Variants in ST8SIA6 observed in about 807,000 individuals in gnomAD.
ST8SIA6 encodes ST8 alpha-N-acetyl-neuraminide alpha-2,8-sialyltransferase 6, also known as alpha-2,8-sialyltransferase 8F.
A neutral mutation model predicts 33.6 loss-of-function variants in ST8SIA6; 39 were observed. The observed-to-expected ratio is 1.16, with a 90% confidence interval of 0.90 to 1.52. ST8SIA6 has a LOEUF of 1.52. ST8SIA6 is among the 40% of genes most tolerant of loss of function. The pLI, the probability that ST8SIA6 is intolerant of heterozygous loss-of-function variation, is 0.00. For synonymous variants in ST8SIA6, 172 were observed against 167.2 expected (o/e 1.03, Z -0.22); for missense variants, 441 against 443.8 (o/e 0.99, Z 0.06).
At chr10:17,382,009 T>C (rs780738419) in intron 3 of ST8SIA6, among the ~76,000 whole-genome samples, 8 of 152,136 alleles carry the variant, frequency 5.3e-5, no homozygotes, top group Non-Finnish European at 1.2e-4. Context: ...CAAGATGGAG[T>C]CAAGTCAAAA....
chr10:17,429,163 C>G (rs1852025991), intron 2 of ST8SIA6, among the ~76,000 whole-genome samples: 2 of 151,834 alleles, frequency 1.3e-5, no homozygotes, highest in Admixed American at 1.3e-4. Context: ...ATATTTTGGA[C>G]TACATCAATT....
At chr10:17,322,065 T>C (rs1237830837) in intron 7 of ST8SIA6, among the ~76,000 whole-genome samples, 2 of 147,356 alleles carry the variant, frequency 1.4e-5, no homozygotes, top group Non-Finnish European at 3.0e-5. Flanking sequence ...ATTGCACTGC[T>C]GCACTCTAAC....
rs190035685 is a variant in ST8SIA6 at position 17,347,754 on chromosome 10, T to C, written c.377+11760A>G. Among the ~76,000 whole-genome samples the C allele has an allele frequency of 4.8e-3, 732 of 152,054 alleles. 3 individuals carry two copies. Among genetic ancestry groups the C allele is most frequent in the Admixed American group, 9.3e-3 (142 of 15,278 alleles). The stretch of plus-strand genomic sequence containing the variant: ...ATCGAGACCATCCTGGCTAACACAG[T>C]GAAACCCTGTCTCTACTAAAAATAC... On this transcript the variant is annotated intron_variant, in intron 4 of 7. Coordinates refer to ENST00000377602, the MANE Select transcript of ST8SIA6 (RefSeq NM_001004470.3).
intron 2 of ST8SIA6, among the ~76,000 whole-genome samples, chr10:17,442,198 C>T (rs572502296): frequency 6.6e-6 from 1 of 152,318 alleles, no homozygotes; most frequent in Admixed American, 6.5e-5. Context: ...ATATGTGTCT[C>T]ATTCTGCCAA....
chr10:17,435,608 C>T (rs963931826), intron 2 of ST8SIA6, among the ~76,000 whole-genome samples: 3 of 149,966 alleles, frequency 2.0e-5, no homozygotes, highest in Admixed American at 6.8e-5. Flanking sequence ...TTCAGCTTGA[C>T]ACAAAGCCCC....
chr10:17,447,019 T>C (rs1852731732), intron 2 of ST8SIA6, among the ~76,000 whole-genome samples: 1 of 139,062 alleles, frequency 7.2e-6, no homozygotes, highest in African/African-American at 2.7e-5. Flanking sequence ...TTACCGACTC[T>C]GTCTCAAAAA....
At position 17,420,562 on chromosome 10, in the gene ST8SIA6, C is replaced by T. The variant is rs1294418649; in HGVS notation, c.201-29942G>A. On this transcript the variant is annotated intron_variant, in intron 2 of 7. Coordinates refer to ENST00000377602, the MANE Select transcript of ST8SIA6 (RefSeq NM_001004470.3). Reference sequence around the variant, plus strand: ...GAGACTAGATACTCATGCATATCTCCTGGGGCTGATTTAGGCACCATGAGA... The same window carrying T: ...GAGACTAGATACTCATGCATATCTCTTGGGGCTGATTTAGGCACCATGAGA... 2.0e-5 allele frequency among the ~76,000 whole-genome samples: 3 copies of T among 152,268 alleles called. No individual in the cohort carries two copies. In the East Asian group the frequency reaches 5.8e-4, roughly 29 times the overall value.
At chr10:17,452,411 A>T (rs1419036859) in intron 2 of ST8SIA6, among the ~76,000 whole-genome samples, 1 of 152,216 alleles carries the variant, frequency 6.6e-6, no homozygotes, top group African/African-American at 2.4e-5. Flanking sequence ...TTTGCAAGAG[A>T]TAAAAAGAGG....
At chr10:17,405,787 CAGG>C (rs1348769303) in intron 2 of ST8SIA6, among the ~76,000 whole-genome samples, 1 of 149,288 alleles carries the variant, frequency 6.7e-6, no homozygotes, top group Non-Finnish European at 1.5e-5. Context: ...GAGACTGAGG[CAGG>C]AGAATTACTT....
chr10:17,320,817 G>T lies in ST8SIA6; in HGVS notation c.*61C>A. ...CTTTAGCCACCTCCTTTGGTGTTTG[G>T]AGACATTGTTAATCACCTACTGCAT... On this transcript the variant is annotated 3_prime_UTR_variant, in exon 8 of 8. Coordinates refer to ENST00000377602, the MANE Select transcript of ST8SIA6 (RefSeq NM_001004470.3). 1 of 1,547,946 alleles carries T rather than the reference G, an allele frequency of 6.5e-7. No individual in the cohort carries two copies. Among genetic ancestry groups the T allele is most frequent in the South Asian group, 1.2e-5 (1 of 84,164 alleles).
chr10:17,336,881 A>G (rs1042250621), intron 4 of ST8SIA6, among the ~76,000 whole-genome samples: 4 of 152,138 alleles, frequency 2.6e-5, no homozygotes, highest in Non-Finnish European at 5.9e-5. Flanking sequence ...CGTGTGAGCC[A>G]CCATGCCTGG....
At chr10:17,359,200 A>C (rs76154241) in intron 4 of ST8SIA6, among the ~76,000 whole-genome samples, 40 of 152,360 alleles carry the variant, frequency 2.6e-4, no homozygotes, top group African/African-American at 9.4e-4. Flanking sequence ...TTTATTTACT[A>C]AACAAATAAA....
At chr10:17,380,918 CGTGT>C (rs796272662) in intron 3 of ST8SIA6, among the ~76,000 whole-genome samples, 2,027 of 70,530 alleles carry the variant, frequency 0.029, 24 homozygotes, top group Non-Finnish European at 0.041. Context: ...TGTGTTTGTG[CGTGT>C]GTGTGTGTGT....
At chr10:17,364,172 A>G (rs1200041636) in intron 3 of ST8SIA6, among the ~76,000 whole-genome samples, 1 of 152,246 alleles carries the variant, frequency 6.6e-6, no homozygotes, top group African/African-American at 2.4e-5. Context: ...TAAAATTGCC[A>G]TCCATGGACA....
chr10:17,348,723 A>T (rs2131605700), intron 4 of ST8SIA6, among the ~76,000 whole-genome samples: 1 of 152,294 alleles, frequency 6.6e-6, no homozygotes, highest in East Asian at 1.9e-4. Context: ...CTTCAGTCCC[A>T]CACTCAGCTT....
At chr10:17,436,279 C>T (rs1852251512) in intron 2 of ST8SIA6, among the ~76,000 whole-genome samples, 1 of 152,044 alleles carries the variant, frequency 6.6e-6, no homozygotes, top group African/African-American at 2.4e-5. Flanking sequence ...TGGGAGGGTC[C>T]CTGGGGGGGA....
At position 17,327,146 on chromosome 10, in the gene ST8SIA6, A is replaced by G; in HGVS notation, c.523-20T>C. On this transcript the variant is annotated intron_variant, in intron 5 of 7. Coordinates refer to ENST00000377602, the MANE Select transcript of ST8SIA6 (RefSeq NM_001004470.3). ...CTGGGACTAGCAGGAGAAAGTGGAA[A>G]ACTACCATGAAATACCGTTAATTTT... 1 of 1,561,240 alleles carries G rather than the reference A, an allele frequency of 6.4e-7. No individual in the cohort carries two copies. Among genetic ancestry groups the G allele is most frequent in the Non-Finnish European group, 8.7e-7 (1 of 1,144,396 alleles).
rs151292536 is a variant in ST8SIA6, at chr10:17,447,877, C to T, written c.200+5682G>A. Reference sequence around the variant, plus strand: ...TTGTCCAGGATAGAGTGCAGTGGAGCGATCTTGGTGAGATCATGTTCAAGT... The same window carrying T: ...TTGTCCAGGATAGAGTGCAGTGGAGTGATCTTGGTGAGATCATGTTCAAGT... On this transcript the variant is annotated intron_variant, in intron 2 of 7. Coordinates refer to ENST00000377602, the MANE Select transcript of ST8SIA6 (RefSeq NM_001004470.3). 3.6e-3 allele frequency among the ~76,000 whole-genome samples: 540 copies of T among 152,094 alleles called. 4 individuals are homozygous for T. The highest frequency in any genetic ancestry group is 0.012 in the African/African-American group (494 of 41,490).
At chr10:17,322,232 AAAAG>A (rs57955634) in intron 7 of ST8SIA6, among the ~76,000 whole-genome samples, 2,289 of 132,446 alleles carry the variant, frequency 0.017, 66 homozygotes, top group African/African-American at 0.065. Context: ...GAAAGAAAGA[AAAAG>A]AAAGAGAAAA....
Sources: allele counts gnomAD v4.1 joint callset (sites outside exome capture counted in the v4.1 genomes callset), GRCh38; gene constraint gnomAD v4.1.1; transcripts MANE v1.5; gene names NCBI Gene and HGNC (gene_info 2026-07-23, HGNC 2026-07-21).